Variants in KDM4C observed in about 807,000 individuals in gnomAD.
KDM4C encodes the protein lysine demethylase 4C.
Under a neutral mutation model 129.3 loss-of-function variants are expected in KDM4C, and 81 were observed. The observed-to-expected ratio is 0.63, with a 90% CI of 0.52 to 0.75. The LOEUF (loss-of-function observed/expected upper bound fraction) is 0.75. KDM4C is among the 30% of genes least tolerant of loss of function. The pLI, the probability that KDM4C is intolerant of heterozygous loss-of-function variation, is 0.00. For missense variants in KDM4C, 1,457 were observed against 1,304.0 expected (o/e 1.12, Z -1.81); for synonymous variants, 573 against 456.1 (o/e 1.26, Z -3.26).
At chr9:7,069,229 G>C (rs1030855120) in intron 17 of KDM4C, among the ~76,000 whole-genome samples, 2 of 152,132 alleles carry the variant, frequency 1.3e-5, no homozygotes, top group African/African-American at 4.8e-5. Context: ...GTGAAATGAT[G>C]TTAAAATAAT....
chr9:7,055,757 AC>A (rs1830786289), intron 17 of KDM4C, among the ~76,000 whole-genome samples: 1 of 152,242 alleles, frequency 6.6e-6, no homozygotes, highest in Admixed American at 6.5e-5. Flanking sequence ...TATACTGAAT[AC>A]TAAAAATAGA....
chr9:6,880,487 G>A (rs898002472), intron 6 of KDM4C, among the ~76,000 whole-genome samples: 1 of 152,026 alleles, frequency 6.6e-6, no homozygotes, highest in African/African-American at 2.4e-5. Context: ...TTGATCTGCT[G>A]TTTCCCCCAA....
At chr9:7,020,220 A>G (rs919600086) in intron 15 of KDM4C, among the ~76,000 whole-genome samples, 1 of 152,220 alleles carries the variant, frequency 6.6e-6, no homozygotes, top group East Asian at 1.9e-4. Flanking sequence ...CCTAATTTGG[A>G]TTCTAGAATT....
At chr9:6,827,129 T>G (rs1358268045) in intron 4 of KDM4C, among the ~76,000 whole-genome samples, 2 of 152,202 alleles carry the variant, frequency 1.3e-5, no homozygotes, top group African/African-American at 4.8e-5. Context: ...CTGCAGCTTC[T>G]TGAGATTGAA....
At chr9:7,058,104 G>A (rs1035616119) in intron 17 of KDM4C, among the ~76,000 whole-genome samples, 2 of 152,024 alleles carry the variant, frequency 1.3e-5, no homozygotes, top group South Asian at 2.1e-4. Flanking sequence ...AAATGAATTC[G>A]ACAATCTCTC....
intron 6 of KDM4C, among the ~76,000 whole-genome samples, chr9:6,881,815 A>G (rs1212837306): frequency 6.6e-6 from 1 of 152,238 alleles, no homozygotes; most frequent in Non-Finnish European, 1.5e-5. Flanking sequence ...AAGGATTTGT[A>G]TCTGATGACC....
At chr9:6,895,150 C>T (rs1471452737) in intron 8 of KDM4C, among the ~76,000 whole-genome samples, 1 of 152,208 alleles carries the variant, frequency 6.6e-6, no homozygotes, top group Non-Finnish European at 1.5e-5. Context: ...TTAGTTGTCT[C>T]TTGCTGCTGT....
intron 8 of KDM4C, among the ~76,000 whole-genome samples, chr9:6,962,422 T>A (rs1473665545): frequency 4.6e-5 from 7 of 152,208 alleles, no homozygotes; most frequent in Non-Finnish European, 8.8e-5. Flanking sequence ...TAAGGATAAT[T>A]GCAATTTTCA....
At position 7,106,065 on chromosome 9, in the gene KDM4C, C is replaced by T. The variant is rs140558136; in HGVS notation, c.2610+2195C>T. On this transcript the variant is annotated intron_variant, in intron 18 of 21. Coordinates refer to ENST00000381309, the MANE Select transcript of KDM4C (RefSeq NM_015061.6). ...ATTTTCTAGGTGGAAGCACTGTTAG[C>T]ACTGTATTTCCCAAGTATATTTCTA... Among the ~76,000 whole-genome samples, 81 of 152,264 alleles carry T rather than the reference C, an allele frequency of 5.3e-4. 1 individual carries two copies. Among genetic ancestry groups the T allele is most frequent in the African/African-American group, 1.6e-3 (68 of 41,570 alleles).
chr9:6,854,829 T>C (rs1479654885), intron 5 of KDM4C, among the ~76,000 whole-genome samples: 1 of 152,240 alleles, frequency 6.6e-6, no homozygotes, highest in Non-Finnish European at 1.5e-5. Flanking sequence ...CAGTGTTGTG[T>C]AGTACTTACC....
At chr9:6,880,098 A>G (rs527767329) in intron 6 of KDM4C, 37 bp downstream of exon 6, 4 of 1,414,906 alleles carry the variant, frequency 2.8e-6, no homozygotes, top group Non-Finnish European at 3.9e-6. Flanking sequence ...TCTGTGTTTT[A>G]TATGTTTCTG....
At chr9:7,104,001 C>G in intron 18 of KDM4C, 131 bp downstream of exon 18, 1 of 814,390 alleles carries the variant, frequency 1.2e-6, no homozygotes, top group South Asian at 1.8e-5. Flanking sequence ...ACCGTGAGTT[C>G]CTTGAGGGCA....
chr9:7,029,093 G>C (rs866088637), intron 15 of KDM4C, among the ~76,000 whole-genome samples: 1 of 152,102 alleles, frequency 6.6e-6, no homozygotes, highest in African/African-American at 2.4e-5. Context: ...GGGATGATTC[G>C]TGGAGCCTTC....
intron 8 of KDM4C, among the ~76,000 whole-genome samples, chr9:6,971,827 TTATTG>T (rs1396472850): frequency 1.6e-4 from 25 of 152,200 alleles, no homozygotes; most frequent in Admixed American, 3.9e-4. Flanking sequence ...ATGAGGGAAG[TTATTG>T]AATAATTCAA....
intron 19 of KDM4C, among the ~76,000 whole-genome samples, chr9:7,130,523 G>C (rs1840506848): frequency 6.6e-6 from 1 of 152,184 alleles, no homozygotes; most frequent in African/African-American, 2.4e-5. Flanking sequence ...CCGCAGAAGA[G>C]TTTTCTGGAG....
At chr9:7,084,970 G>T (rs141288981) in intron 17 of KDM4C, among the ~76,000 whole-genome samples, 18 of 152,342 alleles carry the variant, frequency 1.2e-4, no homozygotes, top group African/African-American at 4.3e-4. Context: ...GCCTAATTTG[G>T]AGGGTCAAGA....
intron 12 of KDM4C, among the ~76,000 whole-genome samples, chr9:7,003,435 T>G (rs936600336): frequency 6.6e-6 from 1 of 151,568 alleles, no homozygotes; most frequent in African/African-American, 2.4e-5. Context: ...CATGGGTGTT[T>G]TTTTTTTTTT....
At chr9:6,929,133 T>C (rs1208512129) in intron 8 of KDM4C, among the ~76,000 whole-genome samples, 1 of 152,252 alleles carries the variant, frequency 6.6e-6, no homozygotes, top group Non-Finnish European at 1.5e-5. Flanking sequence ...CAGCTAGAAG[T>C]AATCTCTCTC....
rs550535846 is a variant in KDM4C, at chr9:6,788,077, G to T, written c.-17-4895G>T. On this transcript the variant is annotated intron_variant, in intron 1 of 21. Transcript: ENST00000381309. Reference sequence around the variant, plus strand: ...TTCAGCCTAAAATGTTCTTCTTCCAGATATCTGTATGATTAATTCCCTCCT... The same window carrying T: ...TTCAGCCTAAAATGTTCTTCTTCCATATATCTGTATGATTAATTCCCTCCT... 2.0e-5 allele frequency among the ~76,000 whole-genome samples: 3 copies of T among 152,202 alleles called. No homozygotes were observed. The South Asian group carries it at 6.2e-4, about 32-fold the overall frequency.
Sources: gnomAD v4.1 joint callset for allele counts (sites outside exome capture counted in the v4.1 genomes callset) on GRCh38, gnomAD v4.1.1 for gene constraint, MANE v1.5 for transcripts, NCBI Gene and HGNC (gene_info 2026-07-23, HGNC 2026-07-21) for gene names.